HPSE2: variants seen among roughly 807,000 people sequenced by gnomAD.
The protein encoded by HPSE2 is inactive heparanase-2.
Under a neutral mutation model 60.5 loss-of-function variants are expected in HPSE2, and 38 were observed. The observed-to-expected ratio is 0.63, with a 90% CI of 0.48 to 0.82. The LOEUF is 0.82. HPSE2 is among the 40% of genes least tolerant of loss of function. The probability of loss-of-function intolerance (pLI) is 0.00; values close to 1 mark genes in which losing one functional copy is unlikely to be tolerated. For synonymous variants in HPSE2, 295 were observed against 293.2 expected (o/e 1.01, Z -0.06); for missense variants, 713 against 740.4 (o/e 0.96, Z 0.43).
In HPSE2 at chr10:98,860,344, G is replaced by A. The variant is rs74382863; in HGVS notation, c.611-116288C>T. ...GAGAATTCTGGTGGCATTTCCAGCT[G>A]TGGAAGCTTTGAATATCAGAACATA... On this transcript the variant is annotated intron_variant, in intron 3 of 11. Coordinates refer to ENST00000370552, the MANE Select transcript of HPSE2 (RefSeq NM_021828.5). 3.4e-3 allele frequency among the ~76,000 whole-genome samples: 521 copies of A among 152,198 alleles called. 3 individuals are homozygous for A. Among genetic ancestry groups the A allele is most frequent in the African/African-American group, 0.012 (506 of 41,536 alleles).
At chr10:98,840,282 G>A (rs567980962) in intron 3 of HPSE2, among the ~76,000 whole-genome samples, 1 of 152,282 alleles carries the variant, frequency 6.6e-6, no homozygotes, top group South Asian at 2.1e-4. Flanking sequence ...GTTGGAAATA[G>A]GCAGGGGTAG....
chr10:98,709,605 G>A (rs1948628642), intron 5 of HPSE2, among the ~76,000 whole-genome samples: 1 of 152,112 alleles, frequency 6.6e-6, no homozygotes, highest in African/African-American at 2.4e-5. Flanking sequence ...CGGTATTTGG[G>A]GGCCTTCCCA....
intron 3 of HPSE2, among the ~76,000 whole-genome samples, chr10:99,124,080 G>T (rs1255041314): frequency 1.3e-5 from 2 of 152,126 alleles, no homozygotes; most frequent in East Asian, 3.9e-4. Flanking sequence ...TCCAATTTCA[G>T]AGCAAAGTTG....
At chr10:99,023,267 G>A (rs1024527655) in intron 3 of HPSE2, among the ~76,000 whole-genome samples, 1 of 152,138 alleles carries the variant, frequency 6.6e-6, no homozygotes, top group African/African-American at 2.4e-5. Flanking sequence ...TCTGTCTTTG[G>A]AAATGGGAGG....
intron 3 of HPSE2, among the ~76,000 whole-genome samples, chr10:98,849,643 G>C (rs1212193892): frequency 1.3e-5 from 2 of 152,138 alleles, no homozygotes; most frequent in Non-Finnish European, 2.9e-5. Flanking sequence ...ATGAGAACTG[G>C]AGAATTAGGA....
intron 6 of HPSE2, among the ~76,000 whole-genome samples, chr10:98,662,668 A>G (rs367936477): frequency 7.2e-5 from 11 of 152,298 alleles, no homozygotes; most frequent in African/African-American, 2.6e-4. Flanking sequence ...AGTTTACCTA[A>G]TAACAAACCT....
chr10:99,295,628 C>T, the HPSE2 span, among the ~76,000 whole-genome samples: 1 of 152,224 alleles, frequency 6.6e-6, no homozygotes, highest in South Asian at 2.1e-4. Context: ...TACAGCCATA[C>T]TTTTGCTGAT....
At chr10:98,946,027 AACAG>A (rs1955172644) in intron 3 of HPSE2, among the ~76,000 whole-genome samples, 1 of 152,158 alleles carries the variant, frequency 6.6e-6, no homozygotes, top group African/African-American at 2.4e-5. Context: ...AATTTGAAAA[AACAG>A]ACAAACTGTG....
intron 6 of HPSE2, among the ~76,000 whole-genome samples, chr10:98,656,566 G>A (rs990758693): frequency 1.6e-4 from 25 of 152,004 alleles, no homozygotes; most frequent in African/African-American, 5.8e-4. Context: ...TCACATAATT[G>A]ACTTTTTTAT....
At chr10:99,230,227 G>A (rs1849599765) in intron 2 of HPSE2, among the ~76,000 whole-genome samples, 1 of 152,082 alleles carries the variant, frequency 6.6e-6, no homozygotes, top group South Asian at 2.1e-4. Flanking sequence ...CAGCTATGAG[G>A]AAACATTTTT....
intron 3 of HPSE2, among the ~76,000 whole-genome samples, chr10:98,900,321 T>C (rs998489307): frequency 6.6e-6 from 1 of 152,090 alleles, no homozygotes; most frequent in Non-Finnish European, 1.5e-5. Context: ...CAAAACCCAG[T>C]ACAAACTGTA....
chr10:98,822,412 T>C lies in HPSE2; in HGVS notation c.611-78356A>G, dbSNP rs552144967. Among the ~76,000 whole-genome samples, 133 of 152,288 alleles carry C rather than the reference T, an allele frequency of 8.7e-4. 2 individuals carry two copies. The Middle Eastern group carries it at 0.027, about 31-fold the overall frequency. ...TATCATGCTATATAAGAATGTATTA[T>C]ATAATTTCAAGAATAATCACTAAAA... On this transcript the variant is annotated intron_variant, in intron 3 of 11. Transcript: ENST00000370552.
chr10:98,828,183 T>C (rs1320620786), intron 3 of HPSE2, among the ~76,000 whole-genome samples: 1 of 152,242 alleles, frequency 6.6e-6, no homozygotes, highest in Admixed American at 6.5e-5. Flanking sequence ...AGTCTATTGG[T>C]TCTGTTTCTC....
intron 6 of HPSE2, among the ~76,000 whole-genome samples, chr10:98,686,410 T>A (rs547380719): frequency 6.6e-6 from 1 of 152,328 alleles, no homozygotes; most frequent in South Asian, 2.1e-4. Flanking sequence ...ATAGGTTATT[T>A]ATTTATTTAG....
intron 6 of HPSE2, among the ~76,000 whole-genome samples, chr10:98,645,948 C>T (rs1023124613): frequency 1.3e-5 from 2 of 152,182 alleles, no homozygotes; most frequent in African/African-American, 4.8e-5. Context: ...GTACCCCAGC[C>T]TGGGCAACAG....
At chr10:98,954,270 G>A (rs1955447338) in intron 3 of HPSE2, among the ~76,000 whole-genome samples, 1 of 151,842 alleles carries the variant, frequency 6.6e-6, no homozygotes, top group South Asian at 2.1e-4. Flanking sequence ...TCGCACCACT[G>A]TACTCCAGCC....
At chr10:99,199,367 T>C (rs1848502644) in intron 2 of HPSE2, among the ~76,000 whole-genome samples, 1 of 152,130 alleles carries the variant, frequency 6.6e-6, no homozygotes, top group South Asian at 2.1e-4. Flanking sequence ...CTAACAGGTA[T>C]GAAGTGATAT....
chr10:98,923,287 T>C (rs973997744), intron 3 of HPSE2, among the ~76,000 whole-genome samples: 3 of 152,174 alleles, frequency 2.0e-5, no homozygotes, highest in African/African-American at 2.4e-5. Flanking sequence ...CTCCACTGTG[T>C]GTTGTTTCTT....
chr10:98,799,959 TGAG>T (rs1179321242), intron 3 of HPSE2, among the ~76,000 whole-genome samples: 1 of 151,600 alleles, frequency 6.6e-6, no homozygotes, highest in Non-Finnish European at 1.5e-5. Context: ...GAATTTGAAA[TGAG>T]GAAAACAACA....
Sources: allele counts gnomAD v4.1 joint callset (sites outside exome capture counted in the v4.1 genomes callset), GRCh38; gene constraint gnomAD v4.1.1; transcripts MANE v1.5; gene names NCBI Gene and HGNC (gene_info 2026-07-23, HGNC 2026-07-21).